Variants in THRB observed in about 807,000 individuals in gnomAD.
THRB encodes the protein nuclear receptor subfamily 1 group A member 2.
A neutral mutation model predicts 47.8 loss-of-function variants in THRB; 12 were observed. That is an observed-to-expected ratio of 0.25 (90% CI 0.16 to 0.41). THRB has a LOEUF of 0.41. Among genes scored for constraint, THRB ranks in the 10% least tolerant of loss-of-function variants. The pLI, the probability that THRB is intolerant of heterozygous loss-of-function variation, is 1.00. For missense variants in THRB, 348 were observed against 589.2 expected (o/e 0.59, Z 4.24); for synonymous variants, 218 against 212.2 (o/e 1.03, Z -0.24).
rs12107587 is a variant in THRB at position 24,151,301 on chromosome 3, C to A, written c.384+1089G>T. The stretch of plus-strand genomic sequence containing the variant: ...TCTTCCACTAGGGAAAAGGAAAACA[C>A]CTTAATTTGAAACTGAGCTAACATG... On this transcript the variant is annotated intron_variant, in intron 6 of 10. Transcript: ENST00000646209. Among the ~76,000 whole-genome samples, 461 of 152,182 alleles carry A rather than the reference C, an allele frequency of 3.0e-3. 7 individuals are homozygous for A. The highest frequency in any genetic ancestry group is 5.7e-4 in the Non-Finnish European group (39 of 68,004).
At chr3:24,253,675 T>C (rs1160175079) in intron 3 of THRB, among the ~76,000 whole-genome samples, 2 of 152,114 alleles carry the variant, frequency 1.3e-5, no homozygotes, top group Non-Finnish European at 2.9e-5. Context: ...TCCAAGGAGA[T>C]AAGAAATTCA....
In THRB at chr3:24,134,171, G is replaced by T. The variant is rs79610799; in HGVS notation, c.739-709C>A. Reference sequence around the variant, plus strand: ...CTCAAAGCGTAGTGCAGCAGCCTGGGTGTCACCAGGGGACTTCTTCTCAGG... The same window carrying T: ...CTCAAAGCGTAGTGCAGCAGCCTGGTTGTCACCAGGGGACTTCTTCTCAGG... On this transcript the variant is annotated intron_variant, in intron 8 of 10. Coordinates refer to ENST00000646209, the MANE Select transcript of THRB (RefSeq NM_001354712.2). Among the ~76,000 whole-genome samples, 32 of 152,250 alleles carry T rather than the reference G, an allele frequency of 2.1e-4. No homozygotes were observed. In the East Asian group the frequency reaches 6.2e-3, roughly 29 times the overall value.
intron 3 of THRB, among the ~76,000 whole-genome samples, chr3:24,267,737 T>C (rs535725859): frequency 6.6e-6 from 1 of 152,308 alleles, no homozygotes; most frequent in African/African-American, 2.4e-5. Flanking sequence ...CTCTTAGTAA[T>C]TTTCATCCAC....
chr3:24,294,217 G>A (rs1007957912), intron 3 of THRB, among the ~76,000 whole-genome samples: 8 of 152,166 alleles, frequency 5.3e-5, no homozygotes, highest in South Asian at 2.1e-4. Context: ...CTAGCTAAAC[G>A]GAGAGACCAC....
intron 1 of THRB, among the ~76,000 whole-genome samples, chr3:24,452,044 C>T (rs1019935513): frequency 8.6e-5 from 13 of 151,966 alleles, no homozygotes; most frequent in Admixed American, 6.6e-5. Context: ...CTAGATTGCC[C>T]GAGGCTGAGG....
At chr3:24,483,264 G>C (rs1696746586) in intron 1 of THRB, among the ~76,000 whole-genome samples, 3 of 151,950 alleles carry the variant, frequency 2.0e-5, no homozygotes, top group Admixed American at 2.0e-4. Context: ...TATTCTTTTG[G>C]ATTAGAAAAG....
chr3:24,300,093 C>A (rs1380800381), intron 2 of THRB, among the ~76,000 whole-genome samples: 1 of 152,026 alleles, frequency 6.6e-6, no homozygotes, highest in Non-Finnish European at 1.5e-5. Flanking sequence ...TGAGGGAGGG[C>A]AGAACACTTT....
At chr3:24,170,950 G>A (rs774608278) in intron 5 of THRB, among the ~76,000 whole-genome samples, 3 of 152,016 alleles carry the variant, frequency 2.0e-5, no homozygotes, top group Non-Finnish European at 4.4e-5. Flanking sequence ...GTCTAAAATC[G>A]ATCCAGTTTG....
At chr3:24,425,896 T>G (rs1288002688) in intron 1 of THRB, among the ~76,000 whole-genome samples, 4 of 151,942 alleles carry the variant, frequency 2.6e-5, no homozygotes, top group African/African-American at 9.7e-5. Flanking sequence ...ATGATGACTA[T>G]GAGAAACGAT....
At chr3:24,325,094 A>G (rs1352623808) in intron 2 of THRB, among the ~76,000 whole-genome samples, 36 of 152,192 alleles carry the variant, frequency 2.4e-4, no homozygotes, top group Admixed American at 2.4e-3. Flanking sequence ...ATAATTTTAC[A>G]GACAATAAGA....
At position 24,343,598 on chromosome 3, in the gene THRB, A is replaced by G. The variant is rs1174883882; in HGVS notation, c.-260-6227T>C. On this transcript the variant is annotated intron_variant, in intron 1 of 10. Transcript: ENST00000646209. ...CAATTTACTAAACTAGAAAGTTCTA[A>G]GATAAACATAAAGCATATATATCAT... Among the ~76,000 whole-genome samples the G allele has an allele frequency of 1.3e-5, 2 of 152,252 alleles. 1 individual carries two copies.
chr3:24,226,559 GT>G (rs1258313042), intron 4 of THRB, among the ~76,000 whole-genome samples: 2 of 152,194 alleles, frequency 1.3e-5, no homozygotes, highest in Non-Finnish European at 2.9e-5. Flanking sequence ...GGCAGCTGGG[GT>G]TCTGGCTCAG....
At chr3:24,129,803 C>CCT (rs2033532277) in intron 9 of THRB, among the ~76,000 whole-genome samples, 1 of 152,172 alleles carries the variant, frequency 6.6e-6, no homozygotes, top group South Asian at 2.1e-4. Context: ...ACGACAGGGC[C>CCT]CTGCACTCTA....
chr3:24,268,210 A>C (rs987964748), intron 3 of THRB, among the ~76,000 whole-genome samples: 2 of 151,920 alleles, frequency 1.3e-5, no homozygotes, highest in Non-Finnish European at 2.9e-5. Flanking sequence ...TTCTTGAAAA[A>C]ACAGCCAAAC....
At chr3:24,355,585 G>A (rs971575884) in intron 1 of THRB, among the ~76,000 whole-genome samples, 1 of 152,150 alleles carries the variant, frequency 6.6e-6, no homozygotes, top group South Asian at 2.1e-4. Context: ...ACTTAGGAAT[G>A]AGGGCATAAA....
At chr3:24,442,506 A>G (rs564883051) in intron 1 of THRB, among the ~76,000 whole-genome samples, 2 of 152,292 alleles carry the variant, frequency 1.3e-5, no homozygotes, top group Admixed American at 1.3e-4. Flanking sequence ...ACTACTTTTG[A>G]GGTGGCAGGG....
Position 24,386,669 on chromosome 3 carries a change from T to C in THRB, c.-260-49298A>G, listed in dbSNP as rs376850466. 1.7e-4 allele frequency among the ~76,000 whole-genome samples: 26 copies of C among 152,250 alleles called. No individual in the cohort carries two copies. In the East Asian group the frequency reaches 5.0e-3, roughly 29 times the overall value. On this transcript the variant is annotated intron_variant, in intron 1 of 10. Transcript: ENST00000646209. ...TCAGTTTGAATGCTCTCCTCTCCCA[T>C]GCATATTTCAACATCGATTTCAAGT...
intron 1 of THRB, among the ~76,000 whole-genome samples, chr3:24,408,881 T>G (rs1322401238): frequency 6.6e-6 from 1 of 151,818 alleles, no homozygotes; most frequent in East Asian, 2.0e-4. Flanking sequence ...ATTTGAACAT[T>G]AAACTATACT....
At chr3:24,443,788 T>A (rs74774605) in intron 1 of THRB, among the ~76,000 whole-genome samples, 2,088 of 152,314 alleles carry the variant, frequency 0.014, 21 homozygotes, top group Non-Finnish European at 0.022. Flanking sequence ...TGGATACTCA[T>A]AATATCCTCA....
Sources: gnomAD v4.1 joint callset for allele counts (sites outside exome capture counted in the v4.1 genomes callset) on GRCh38, gnomAD v4.1.1 for gene constraint, MANE v1.5 for transcripts, NCBI Gene and HGNC (gene_info 2026-07-23, HGNC 2026-07-21) for gene names.